BCOR: variants seen among roughly 807,000 people sequenced by gnomAD.
BCOR encodes BCL-6 corepressor.
In BCOR, 10 loss-of-function variants were observed where a neutral mutation model predicts 86.7. That is an observed-to-expected ratio of 0.12 (90% CI 0.07 to 0.20). BCOR has a LOEUF of 0.20. Among genes scored for constraint, BCOR ranks in the 10% least tolerant of loss-of-function variants. BCOR has a pLI of 1.00. For synonymous variants in BCOR, 611 were observed against 609.0 expected (o/e 1.00, Z -0.05); for missense variants, 1,259 against 1,452.1 (o/e 0.87, Z 2.16).
At chrX:40,081,683 A>G (rs1301168457) in intron 1 of BCOR, among the ~76,000 whole-genome samples, 3 of 112,937 alleles carry the variant, frequency 2.7e-5, no homozygotes, top group Non-Finnish European at 5.6e-5. Flanking sequence ...AGCACTTTAC[A>G]AGCACCAACC....
In BCOR at chrX:40,057,344, T is replaced by C. The variant is rs745562627; in HGVS notation, c.4429-23A>G. The C allele has an allele frequency of 2.5e-6, 3 of 1,195,532 alleles. No individual in the cohort carries two copies. In the South Asian group the frequency reaches 5.4e-5, roughly 21 times the overall value. On this transcript the variant is annotated intron_variant, in intron 10 of 14. Transcript: ENST00000378444. ...TTCCTGTGGGGAGGGGAGGGAAGAA[T>C]GCCATCAGATCACTGCACAATGACC...
chrX:40,052,497 A>G lies in BCOR; in HGVS notation c.4977-97T>C, dbSNP rs1934356332. 8.2e-6 allele frequency: 6 copies of G among 730,120 alleles called. No homozygotes were observed. In the East Asian group the frequency reaches 1.9e-4, roughly 23 times the overall value. 60.2% of individuals were successfully genotyped at this position (730,120 alleles called of 1,213,427 possible). On this transcript the variant is annotated intron_variant, in intron 14 of 14. Coordinates refer to ENST00000378444, the MANE Select transcript of BCOR (RefSeq NM_001123385.2). ...TACCAACCCAAGTGGACCAGCCTCT[A>G]TGTCCTTTCATTCTGCTCCCACCCC...
chrX:40,089,971 T>C (rs1936527708), intron 1 of BCOR, among the ~76,000 whole-genome samples: 1 of 111,694 alleles, frequency 9.0e-6, no homozygotes, highest in Admixed American at 9.4e-5. Flanking sequence ...ATCTTGTCCT[T>C]TCCCCAACGT....
intron 1 of BCOR, among the ~76,000 whole-genome samples, chrX:40,138,920 T>C (rs1303025716): frequency 9.0e-6 from 1 of 110,777 alleles, no homozygotes; most frequent in African/African-American, 3.3e-5. Flanking sequence ...ATATATTGTA[T>C]CACTACCCTC....
intron 5 of BCOR, among the ~76,000 whole-genome samples, chrX:40,071,397 G>C (rs948411972): frequency 2.7e-5 from 3 of 111,994 alleles, no homozygotes; most frequent in Admixed American, 9.5e-5. Context: ...TATATGCGAT[G>C]TGTATGTATA....
At chrX:40,136,067 T>C (rs1357881770) in intron 1 of BCOR, among the ~76,000 whole-genome samples, 3 of 111,790 alleles carry the variant, frequency 2.7e-5, no homozygotes, top group African/African-American at 6.5e-5. Flanking sequence ...TTCTGGCCAA[T>C]AGATGTAGGC....
intron 1 of BCOR, among the ~76,000 whole-genome samples, chrX:40,150,957 G>A (rs886217765): frequency 1.8e-5 from 2 of 112,095 alleles, no homozygotes; most frequent in African/African-American, 6.5e-5. Flanking sequence ...CCATACAGGC[G>A]GGACCTTTTG....
At chrX:40,173,181 C>A (rs1403974474) in intron 1 of BCOR, among the ~76,000 whole-genome samples, 2 of 112,069 alleles carry the variant, frequency 1.8e-5, no homozygotes, top group African/African-American at 6.5e-5. Context: ...CAACACAGCC[C>A]TATTTCTCTC....
intron 1 of BCOR, among the ~76,000 whole-genome samples, chrX:40,157,675 C>T (rs1938326175): frequency 8.9e-6 from 1 of 111,947 alleles, no homozygotes; most frequent in African/African-American, 3.3e-5. Context: ...CATTGTGATT[C>T]TACCTGCATT....
intron 6 of BCOR, among the ~76,000 whole-genome samples, chrX:40,069,939 C>A (rs184722247): frequency 2.8e-4 from 31 of 112,261 alleles, no homozygotes; most frequent in African/African-American, 9.4e-4. Context: ...GTTTAGCTTA[C>A]CCAGGATCCT....
At chrX:40,086,568 G>C (rs755332021) in intron 1 of BCOR, among the ~76,000 whole-genome samples, 2 of 113,384 alleles carry the variant, frequency 1.8e-5, no homozygotes, top group African/African-American at 6.4e-5. Flanking sequence ...TGGAGGGCGG[G>C]TGTGCCGTGG....
At chrX:40,149,171 C>T (rs1938121053) in intron 1 of BCOR, among the ~76,000 whole-genome samples, 1 of 109,343 alleles carries the variant, frequency 9.1e-6, no homozygotes, top group Admixed American at 1.0e-4. Context: ...CCGCTCCGCT[C>T]AGCTCTCTTC....
At chrX:40,151,570 G>A (rs1938166960) in intron 1 of BCOR, among the ~76,000 whole-genome samples, 1 of 112,900 alleles carries the variant, frequency 8.9e-6, no homozygotes, top group Non-Finnish European at 1.9e-5. Context: ...AACTGCTGGG[G>A]TGAACTCGGA....
chrX:40,172,161 G>A (rs1938637887), intron 1 of BCOR, among the ~76,000 whole-genome samples: 1 of 112,921 alleles, frequency 8.9e-6, no homozygotes, highest in African/African-American at 3.2e-5. Context: ...TGCGGCCAAT[G>A]CAAGACGAGC....
intron 1 of BCOR, among the ~76,000 whole-genome samples, chrX:40,110,652 TCTTTTTTCCTTTTTC>T (rs1243675983): frequency 2.0e-4 from 18 of 91,929 alleles, no homozygotes; most frequent in Non-Finnish European, 3.2e-4. Context: ...TTCTTTTTTT[TCTTTTTTCCTTTTTC>T]TTTTTTTTTT....
rs751015767 is a variant in BCOR, at chrX:40,071,158, C to T, written c.3053G>A (p.Arg1018His). The change falls in exon 6 of 15, where the codon CGT becomes CAT. Residue 1018 changes from arginine (R) to histidine (H), a missense_variant and splice_region_variant. Transcript: ENST00000378444. Reference sequence around the variant, plus strand: ...CAACTCTGAGAAGCGCATCATTGCACGCTAGAAAGAGAACGGAGATGGAAA... The same window carrying T: ...CAACTCTGAGAAGCGCATCATTGCATGCTAGAAAGAGAACGGAGATGGAAA... ...ILCLPAAYCE[R>H]AMMRFSELEM... is the part of the protein sequence containing the mutation. 1 of 1,195,162 alleles carries T rather than the reference C, an allele frequency of 8.4e-7. No homozygotes were observed. The highest frequency in any genetic ancestry group is 1.8e-5 in the South Asian group (1 of 55,628).
upstream of BCOR, among the ~76,000 whole-genome samples, chrX:40,098,402 G>A (rs1936994761): frequency 9.1e-6 from 1 of 110,349 alleles, no homozygotes; most frequent in South Asian, 3.8e-4. Flanking sequence ...GCACGTCCTG[G>A]GCGAGCCGGA....
Position 40,052,284 on chromosome X carries a change from TAA to T in BCOR, c.5091_5092del (p.Phe1697LeufsTer22). ...CAAGAGACTTGCAGAAACCTGCCGATAAAATTCTGCCTCTGCAATGGTGACAA... is the reference window on the plus strand; with the variant it reads ...CAAGAGACTTGCAGAAACCTGCCGATAATTCTGCCTCTGCAATGGTGACAA... On this transcript the variant is annotated frameshift_variant, in exon 15 of 15. Coordinates refer to ENST00000378444, the MANE Select transcript of BCOR (RefSeq NM_001123385.2). LOFTEE classifies it high-confidence loss of function. 8.2e-7 allele frequency: 1 copy of T among 1,212,248 alleles called. No homozygotes were observed. The highest frequency in any genetic ancestry group is 1.1e-6 in the Non-Finnish European group (1 of 895,605).
chrX:40,085,982 T>C (rs1046468409), intron 1 of BCOR, among the ~76,000 whole-genome samples: 14 of 112,025 alleles, frequency 1.2e-4, no homozygotes. Flanking sequence ...GTTGATGAAG[T>C]CAGAGTAGGT....
Sources: allele counts gnomAD v4.1 joint callset (sites outside exome capture counted in the v4.1 genomes callset), GRCh38; gene constraint gnomAD v4.1.1; transcripts MANE v1.5; gene names NCBI Gene and HGNC (gene_info 2026-07-23, HGNC 2026-07-21).